Variants in PLPPR5 observed in about 807,000 individuals in gnomAD.
The protein encoded by PLPPR5 is phospholipid phosphatase-related protein type 5.
A neutral mutation model predicts 33.9 loss-of-function variants in PLPPR5; 16 were observed. That is an observed-to-expected ratio of 0.47 (90% CI 0.32 to 0.72). The LOEUF is 0.72. Ranked by LOEUF, PLPPR5 falls within the 30% of genes least tolerant of loss-of-function variation. The pLI, the probability that PLPPR5 is intolerant of heterozygous loss-of-function variation, is 0.03. For missense variants in PLPPR5, 301 were observed against 406.7 expected (o/e 0.74, Z 2.23); for synonymous variants, 163 against 150.3 (o/e 1.08, Z -0.62).
chr1:98,895,906 A>G (rs1648451852), intron 5 of PLPPR5, among the ~76,000 whole-genome samples: 1 of 152,066 alleles, frequency 6.6e-6, no homozygotes, highest in African/African-American at 2.4e-5. Context: ...ATTTAATCAT[A>G]GTACATGAAA....
chr1:98,996,237 T>C (rs1481115509), intron 1 of PLPPR5, among the ~76,000 whole-genome samples: 1 of 151,832 alleles, frequency 6.6e-6, no homozygotes, highest in Non-Finnish European at 1.5e-5. Context: ...AATGAATTCA[T>C]ACAAGAAACT....
Position 98,892,928 on chromosome 1 carries a change from G to A in PLPPR5, c.*144C>T. 1 of 800,900 alleles carries A rather than the reference G, an allele frequency of 1.2e-6. No individual in the cohort carries two copies. The highest frequency in any genetic ancestry group is 2.8e-5 in the Admixed American group (1 of 35,276). 49.6% of individuals were successfully genotyped at this position (800,900 alleles called of 1,614,324 possible). A position where few individuals can be genotyped will look rare whatever the true frequency, so the allele number is the denominator to read the frequency against. ...AGCTCACAGTCTAGTGGGGGAAACA[G>A]ATAGGTTGACATTGATTTTAAAATT... On this transcript the variant is annotated 3_prime_UTR_variant, in exon 6 of 6. Coordinates refer to ENST00000263177, the MANE Select transcript of PLPPR5 (RefSeq NM_001037317.2).
At chr1:98,914,178 T>A (rs1200057406) in intron 5 of PLPPR5, among the ~76,000 whole-genome samples, 1 of 152,240 alleles carries the variant, frequency 6.6e-6, no homozygotes, top group Non-Finnish European at 1.5e-5. Flanking sequence ...ATTTTATTTT[T>A]CCTATGTGTG....
In PLPPR5 at chr1:98,892,937, A is replaced by T; in HGVS notation, c.*135T>A. ...TCTAGTGGGGGAAACAGATAGGTTG[A>T]CATTGATTTTAAAATTATAAAAATT... On this transcript the variant is annotated 3_prime_UTR_variant, in exon 6 of 6. Coordinates refer to ENST00000263177, the MANE Select transcript of PLPPR5 (RefSeq NM_001037317.2). The T allele has an allele frequency of 1.2e-6, 1 of 853,206 alleles. No homozygotes were observed. The highest frequency in any genetic ancestry group is 1.9e-6 in the Non-Finnish European group (1 of 539,288). The allele number at this position is 853,206 out of a possible 1,614,324, so 52.9% of individuals were successfully genotyped here. A position where few individuals can be genotyped will look rare whatever the true frequency, so the allele number is the denominator to read the frequency against.
intron 4 of PLPPR5, among the ~76,000 whole-genome samples, chr1:98,916,189 TAAG>T (rs1487655547): frequency 6.6e-6 from 1 of 152,170 alleles, no homozygotes; most frequent in Non-Finnish European, 1.5e-5. Context: ...ATCTACAAAA[TAAG>T]AACACCTACT....
intron 3 of PLPPR5, among the ~76,000 whole-genome samples, chr1:98,947,123 C>A (rs945875095): frequency 1.1e-4 from 16 of 152,182 alleles, no homozygotes; most frequent in African/African-American, 3.6e-4. Flanking sequence ...ACCCCAGACA[C>A]ATAAATATAA....
chr1:98,996,248 A>G (rs1428462604), intron 1 of PLPPR5, among the ~76,000 whole-genome samples: 2 of 152,084 alleles, frequency 1.3e-5, no homozygotes, highest in South Asian at 2.1e-4. Context: ...ACAAGAAACT[A>G]CAAATGTATT....
At chr1:98,928,158 G>A (rs1649832602) in intron 3 of PLPPR5, among the ~76,000 whole-genome samples, 1 of 151,962 alleles carries the variant, frequency 6.6e-6, no homozygotes, top group South Asian at 2.1e-4. Flanking sequence ...GAAATATGAT[G>A]AGGCCAACTA....
intron 1 of PLPPR5, among the ~76,000 whole-genome samples, chr1:98,972,097 G>T (rs1011905316): frequency 6.6e-6 from 1 of 152,022 alleles, no homozygotes; most frequent in African/African-American, 2.4e-5. Context: ...TGAGAAGAAA[G>T]AATTCATAAA....
chr1:98,919,590 T>C lies in PLPPR5; in HGVS notation c.798+2292A>G, dbSNP rs549526111. 7.2e-5 allele frequency among the ~76,000 whole-genome samples: 11 copies of C among 152,254 alleles called. No homozygotes were observed. In the East Asian group the frequency reaches 2.1e-3, roughly 29 times the overall value. Reference sequence around the variant, plus strand: ...TGTGCCTCGTCCACATCACCTTCCATGTTCCACCAGGCTCCAAACCATTCC... The same window carrying C: ...TGTGCCTCGTCCACATCACCTTCCACGTTCCACCAGGCTCCAAACCATTCC... On this transcript the variant is annotated intron_variant, in intron 4 of 5. Coordinates refer to ENST00000263177, the MANE Select transcript of PLPPR5 (RefSeq NM_001037317.2).
intron 1 of PLPPR5, among the ~76,000 whole-genome samples, chr1:98,981,091 T>C (rs774047019): frequency 1.3e-5 from 2 of 152,040 alleles, no homozygotes; most frequent in Non-Finnish European, 2.9e-5. Flanking sequence ...TCCTTAAAAC[T>C]CTAAACCAAT....
intron 3 of PLPPR5, among the ~76,000 whole-genome samples, chr1:98,928,873 T>C (rs74108781): frequency 0.035 from 5,358 of 152,056 alleles, 294 homozygotes; most frequent in African/African-American, 0.12. Flanking sequence ...AAAATGATAA[T>C]ATCATGGAAT....
intron 1 of PLPPR5, among the ~76,000 whole-genome samples, chr1:98,988,177 C>T (rs372070315): frequency 3.9e-5 from 6 of 152,044 alleles, no homozygotes; most frequent in African/African-American, 1.4e-4. Context: ...TTTGATTTGA[C>T]TTCCCAGCCT....
chr1:98,985,415 C>G (rs1217629324), intron 1 of PLPPR5, among the ~76,000 whole-genome samples: 2 of 152,002 alleles, frequency 1.3e-5, no homozygotes, highest in Admixed American at 6.6e-5. Flanking sequence ...TTTGGTGGAG[C>G]TGAAAAATTC....
intron 1 of PLPPR5, among the ~76,000 whole-genome samples, chr1:98,957,690 T>C (rs1402331034): frequency 6.6e-6 from 1 of 152,236 alleles, no homozygotes; most frequent in Non-Finnish European, 1.5e-5. Context: ...GGAATTGTCA[T>C]AATATACTAC....
intron 1 of PLPPR5, among the ~76,000 whole-genome samples, chr1:98,990,471 C>T (rs1353061736): frequency 1.3e-5 from 2 of 152,024 alleles, no homozygotes; most frequent in Admixed American, 1.3e-4. Context: ...AATATATGTG[C>T]TATGTACTAT....
chr1:98,969,408 C>T (rs1416642499), intron 1 of PLPPR5, among the ~76,000 whole-genome samples: 1 of 151,936 alleles, frequency 6.6e-6, no homozygotes, highest in East Asian at 1.9e-4. Flanking sequence ...TATTAATTCA[C>T]ACAATGGGAG....
intron 3 of PLPPR5, among the ~76,000 whole-genome samples, chr1:98,937,622 A>T (rs1009825211): frequency 4.6e-5 from 7 of 152,198 alleles, no homozygotes; most frequent in African/African-American, 1.7e-4. Flanking sequence ...AGGTGCAGTA[A>T]GGTGAATGAA....
chr1:98,934,855 GAGA>G (rs1482418774), intron 3 of PLPPR5, among the ~76,000 whole-genome samples: 4 of 152,138 alleles, frequency 2.6e-5, no homozygotes, highest in East Asian at 1.9e-4. Flanking sequence ...GAGGGAACAG[GAGA>G]AGAAGAGTGA....
Sources: gnomAD v4.1 joint callset for allele counts (sites outside exome capture counted in the v4.1 genomes callset) on GRCh38, gnomAD v4.1.1 for gene constraint, MANE v1.5 for transcripts, NCBI Gene and HGNC (gene_info 2026-07-23, HGNC 2026-07-21) for gene names.